Variants in IQCH observed in about 807,000 individuals in gnomAD.
The protein encoded by IQCH is IQ domain-containing protein H.
IQCH carries 98 observed loss-of-function variants against 117.0 expected under a neutral mutation model. That is an observed-to-expected ratio of 0.84 (90% CI 0.71 to 0.99). IQCH has a LOEUF of 0.99. Among genes scored for constraint, IQCH ranks in the 50% least tolerant of loss-of-function variants. IQCH has a pLI of 0.00. For synonymous variants in IQCH, 412 were observed against 448.2 expected (o/e 0.92, Z 1.02); for missense variants, 1,102 against 1,243.8 (o/e 0.89, Z 1.72).
intron 18 of IQCH, among the ~76,000 whole-genome samples, chr15:67,484,871 C>A (rs963339381): frequency 6.6e-6 from 1 of 151,944 alleles, no homozygotes; most frequent in African/African-American, 2.4e-5. Context: ...AGAGCTGCTA[C>A]AATTTTCCAT....
chr15:67,419,054 C>T (rs973041490), intron 15 of IQCH, among the ~76,000 whole-genome samples: 2 of 152,152 alleles, frequency 1.3e-5, no homozygotes, highest in African/African-American at 4.8e-5. Context: ...GCGACTGTCT[C>T]ATCTGAGCTG....
chr15:67,320,924 G>A (rs1479869136), intron 4 of IQCH, among the ~76,000 whole-genome samples: 2 of 152,092 alleles, frequency 1.3e-5, no homozygotes, highest in Non-Finnish European at 2.9e-5. Flanking sequence ...TCACTAACAC[G>A]CTGATGTGCC....
In IQCH at chr15:67,409,322, C is replaced by T. The variant is rs145693525; in HGVS notation, c.2098-7609C>T. 6.0e-4 allele frequency among the ~76,000 whole-genome samples: 92 copies of T among 152,184 alleles called. 6 individuals carry two copies. In the East Asian group the frequency reaches 6.2e-3, roughly 10 times the overall value. Reference sequence around the variant, plus strand: ...ATCTATTGAAACCCCCAGCATGCAGCGCGCACAGGGTGAGCCTAGAAAGAA... The same window carrying T: ...ATCTATTGAAACCCCCAGCATGCAGTGCGCACAGGGTGAGCCTAGAAAGAA... On this transcript the variant is annotated intron_variant, in intron 14 of 20. Coordinates refer to ENST00000335894, the MANE Select transcript of IQCH (RefSeq NM_001031715.3).
Position 67,350,015 on chromosome 15 carries a change from C to G in IQCH, c.637+5824C>G, listed in dbSNP as rs182507671. On this transcript the variant is annotated intron_variant, in intron 6 of 20. Coordinates refer to ENST00000335894, the MANE Select transcript of IQCH (RefSeq NM_001031715.3). ...ACTGTATGACCCAACAATCTCACTC[C>G]TAGTTATCTATTTACCCAAGATAAA... 2.0e-5 allele frequency among the ~76,000 whole-genome samples: 3 copies of G among 152,312 alleles called. No homozygotes were observed. The East Asian group carries it at 5.8e-4, about 29-fold the overall frequency.
At chr15:67,283,537 A>G (rs1021536558) in intron 4 of IQCH, among the ~76,000 whole-genome samples, 1 of 151,474 alleles carries the variant, frequency 6.6e-6, no homozygotes, top group African/African-American at 2.4e-5. Flanking sequence ...TTTTTTTTCT[A>G]TTGACTATCC....
chr15:67,256,021 C>A (rs1056954373), intron 1 of IQCH, among the ~76,000 whole-genome samples: 12 of 152,178 alleles, frequency 7.9e-5, no homozygotes, highest in Non-Finnish European at 1.3e-4. Context: ...GTCCCCAGAA[C>A]CACCTCACTT....
intron 6 of IQCH, among the ~76,000 whole-genome samples, chr15:67,347,902 G>T (rs1021617285): frequency 3.1e-4 from 45 of 146,678 alleles, no homozygotes; most frequent in African/African-American, 4.7e-4. Context: ...TATATATATA[G>T]AGAGAGATTA....
In IQCH at chr15:67,416,984, C is replaced by G. The variant is rs552590760; in HGVS notation, c.2151C>G (p.His717Gln). 1 of 1,611,384 alleles carries G rather than the reference C, an allele frequency of 6.2e-7. No individual in the cohort carries two copies. The highest frequency in any genetic ancestry group is 1.7e-5 in the Admixed American group (1 of 59,688). The part of the protein sequence containing the change: ...SEELAGILAQ[H>Q]AQPVNEKRFP... ...AGCTGGCGGGCATTTTAGCACAGCA[C>G]GCACAGCCAGTCAATGAGAAACGGT... is the stretch of plus-strand genomic sequence containing the variant. Residue 717 changes from histidine to glutamine, a missense_variant, in exon 15 of 21, where the codon CAC becomes CAG. Coordinates refer to ENST00000335894, the MANE Select transcript of IQCH (RefSeq NM_001031715.3). The surrounding 1 kb of genome is among the most constrained non-coding windows in gnomAD (Gnocchi z 5.1).
rs201549324 is a variant in IQCH, at chr15:67,373,352, C to G, written c.1306-15C>G. ...CAGCTTCCTGTCACTGATCAATGCT[C>G]TTCTTGATTTTTAGCATCTGGCAGC... On this transcript the variant is annotated splice_polypyrimidine_tract_variant and intron_variant, in intron 9 of 20. Coordinates refer to ENST00000335894, the MANE Select transcript of IQCH (RefSeq NM_001031715.3). 61 of 1,597,426 alleles carry G rather than the reference C, an allele frequency of 3.8e-5. No individual in the cohort carries two copies. Among genetic ancestry groups the G allele is most frequent in the Non-Finnish European group, 4.8e-5 (56 of 1,165,284 alleles).
In IQCH at chr15:67,304,375, C is replaced by T; in HGVS notation, c.387+24863C>T. 2.6e-6 allele frequency: 4 copies of T among 1,533,410 alleles called. No homozygotes were observed. The South Asian group carries it at 4.8e-5, about 18-fold the overall frequency. 95.0% of individuals were successfully genotyped at this position (1,533,410 alleles called of 1,614,324 possible). Reference sequence around the variant, plus strand: ...GTTGAATGTAAAAATCTTGCAGGATCCTGAAAACATCCACCACAGAGCTGC... The same window carrying T: ...GTTGAATGTAAAAATCTTGCAGGATTCTGAAAACATCCACCACAGAGCTGC... On this transcript the variant is annotated intron_variant, in intron 4 of 20. Coordinates refer to ENST00000335894, the MANE Select transcript of IQCH (RefSeq NM_001031715.3).
chr15:67,419,273 G>A lies in IQCH; in HGVS notation c.2219-2018G>A, dbSNP rs2081660700. ...CACAAAGTTAGATCCTACAATTTTA[G>A]TACATTTAAAAAACCTGGTTCTTGA... On this transcript the variant is annotated intron_variant, in intron 15 of 20. Coordinates refer to ENST00000335894, the MANE Select transcript of IQCH (RefSeq NM_001031715.3). 2.6e-5 allele frequency among the ~76,000 whole-genome samples: 4 copies of A among 152,150 alleles called. No individual in the cohort carries two copies. In the South Asian group the frequency reaches 8.3e-4, roughly 32 times the overall value.
At chr15:67,375,537 A>G (rs1329356100) in intron 10 of IQCH, among the ~76,000 whole-genome samples, 1 of 152,190 alleles carries the variant, frequency 6.6e-6, no homozygotes, top group East Asian at 1.9e-4. Context: ...TCTGGATTAC[A>G]CATATTCAGT....
At chr15:67,446,701 A>G (rs1052562858) in intron 16 of IQCH, among the ~76,000 whole-genome samples, 3 of 152,184 alleles carry the variant, frequency 2.0e-5, no homozygotes, top group Admixed American at 2.0e-4. Flanking sequence ...AGCTCCACCC[A>G]CGTTTCTGGA....
chr15:67,260,382 T>C (rs1363744658), intron 1 of IQCH, among the ~76,000 whole-genome samples: 1 of 152,166 alleles, frequency 6.6e-6, no homozygotes, highest in African/African-American at 2.4e-5. Flanking sequence ...AAAGTAATAA[T>C]ATATGTTCCT....
chr15:67,361,136 C>T (rs1224425065), intron 8 of IQCH, among the ~76,000 whole-genome samples: 1 of 152,186 alleles, frequency 6.6e-6, no homozygotes, highest in African/African-American at 2.4e-5. Context: ...TGCAAAGGAT[C>T]CAGCTGACAG....
intron 6 of IQCH, among the ~76,000 whole-genome samples, chr15:67,353,485 G>A (rs559952207): frequency 9.0e-4 from 137 of 151,760 alleles, no homozygotes; most frequent in African/African-American, 3.1e-3. Flanking sequence ...TCAGCCTCCC[G>A]AGTAGCTGGG....
At chr15:67,444,509 C>A (rs2140975098) in intron 16 of IQCH, among the ~76,000 whole-genome samples, 1 of 152,230 alleles carries the variant, frequency 6.6e-6, no homozygotes, top group African/African-American at 2.4e-5. Flanking sequence ...GTGAGAAATA[C>A]CAGGCAAAAA....
intron 4 of IQCH, among the ~76,000 whole-genome samples, chr15:67,280,594 A>G (rs1022399484): frequency 6.6e-6 from 1 of 152,160 alleles, no homozygotes; most frequent in Non-Finnish European, 1.5e-5. Context: ...CTCATTCATT[A>G]GGGTTCTACC....
intron 16 of IQCH, among the ~76,000 whole-genome samples, chr15:67,462,203 T>G (rs953256375): frequency 3.3e-5 from 5 of 150,886 alleles, no homozygotes; most frequent in African/African-American, 7.3e-5. Context: ...AGGCCGAGAG[T>G]GGATCACAAG....
Sources: allele counts gnomAD v4.1 joint callset (sites outside exome capture counted in the v4.1 genomes callset), GRCh38; gene constraint gnomAD v4.1.1; non-coding constraint Gnocchi (gnomAD v3.1); transcripts MANE v1.5; gene names NCBI Gene and HGNC (gene_info 2026-07-23, HGNC 2026-07-21).